The following CD44 variants were observed in gnomAD, a reference collection of about 807,000 sequenced individuals.
The protein encoded by CD44 is CD44 antigen.
CD44 carries 49 observed loss-of-function variants against 88.8 expected under a neutral mutation model. The ratio of observed to expected loss-of-function variants is 0.55; its 90% CI spans 0.44 to 0.70. The LOEUF (loss-of-function observed/expected upper bound fraction) is 0.70. Among genes scored for constraint, CD44 ranks in the 30% least tolerant of loss-of-function variants. The pLI is 0.00. For missense variants in CD44, 883 were observed against 913.8 expected (o/e 0.97, Z 0.43); for synonymous variants, 325 against 312.3 (o/e 1.04, Z -0.43).
chr11:35,222,585 A>C, intron 17 of CD44: 1 of 768,580 alleles, frequency 1.3e-6, no homozygotes, highest in East Asian at 1.3e-4. Flanking sequence ...CATGTTATTT[A>C]CATTTTATAT....
chr11:35,218,277 G>T (rs1050624518), intron 15 of CD44, among the ~76,000 whole-genome samples: 1 of 152,148 alleles, frequency 6.6e-6, no homozygotes, highest in Admixed American at 6.5e-5. Context: ...TATATTAGCA[G>T]GGACTCTAAT....
intron 2 of CD44, among the ~76,000 whole-genome samples, chr11:35,178,074 T>C (rs1232127410): frequency 6.6e-6 from 1 of 152,228 alleles, no homozygotes; most frequent in Non-Finnish European, 1.5e-5. Context: ...CTCTGGTGGC[T>C]ACTGAACTTG....
intron 14 of CD44, among the ~76,000 whole-genome samples, chr11:35,212,358 C>G (rs548308031): frequency 5.3e-5 from 8 of 151,656 alleles, no homozygotes; most frequent in South Asian, 2.1e-4. Context: ...TCTCCTCCCC[C>G]CAAAAAAGAA....
chr11:35,179,824 G>A (rs1944819310), intron 2 of CD44, among the ~76,000 whole-genome samples: 1 of 152,128 alleles, frequency 6.6e-6, no homozygotes, highest in Non-Finnish European at 1.5e-5. Context: ...TGGAATGTGT[G>A]CACTGAAATA....
chr11:35,164,071 C>T (rs1942979808), intron 1 of CD44, among the ~76,000 whole-genome samples: 1 of 152,012 alleles, frequency 6.6e-6, no homozygotes, highest in South Asian at 2.1e-4. Flanking sequence ...GTGTTAATAT[C>T]ACTGGAAAAC....
intron 1 of CD44, among the ~76,000 whole-genome samples, chr11:35,152,287 T>G (rs1158520448): frequency 6.6e-6 from 1 of 152,128 alleles, no homozygotes; most frequent in Non-Finnish European, 1.5e-5. Context: ...AGTTTCCCAC[T>G]ACTCATCCCC....
In CD44 at chr11:35,206,097, A is replaced by C. The variant is rs770761920; in HGVS notation, c.1283-15A>C. 3.5e-5 allele frequency: 55 copies of C among 1,588,074 alleles called. No homozygotes were observed. Among genetic ancestry groups the C allele is most frequent in the Non-Finnish European group, 4.5e-5 (53 of 1,170,566 alleles). ...CATTAACACTTTGACAATTGCTCAA[A>C]CTGCATGGTCACAGCAGCCTCAGCT... On this transcript the variant is annotated splice_polypyrimidine_tract_variant and intron_variant, in intron 10 of 17. Coordinates refer to ENST00000428726, the MANE Select transcript of CD44 (RefSeq NM_000610.4).
intron 1 of CD44, among the ~76,000 whole-genome samples, chr11:35,149,483 A>C (rs1473473915): frequency 6.6e-6 from 1 of 152,250 alleles, no homozygotes; most frequent in African/African-American, 2.4e-5. Flanking sequence ...TTAGCACGTA[A>C]TTTCTAAAGC....
At chr11:35,155,135 G>A (rs1941686029) in intron 1 of CD44, among the ~76,000 whole-genome samples, 1 of 152,068 alleles carries the variant, frequency 6.6e-6, no homozygotes, top group African/African-American at 2.4e-5. Flanking sequence ...ATTTCTCATT[G>A]GATGAATGGG....
At chr11:35,210,222 A>G in intron 13 of CD44, 168 bp downstream of exon 13, 1 of 464,148 alleles carries the variant, frequency 2.2e-6, no homozygotes. Context: ...TGTTTTATAT[A>G]CCTCTTCGTA....
chr11:35,200,086 G>T (rs1419883870), intron 7 of CD44, among the ~76,000 whole-genome samples: 1 of 151,218 alleles, frequency 6.6e-6, no homozygotes, highest in East Asian at 1.9e-4. Context: ...TGTGATAACT[G>T]CTTGATAATA....
intron 10 of CD44, chr11:35,205,798 C>T (rs2134107988): frequency 2.0e-6 from 2 of 1,014,316 alleles, no homozygotes; most frequent in African/African-American, 3.4e-5. Context: ...ACTGTGGCAG[C>T]ATGGCATGGG....
chr11:35,142,127 G>A (rs1002149679), intron 1 of CD44, among the ~76,000 whole-genome samples: 3 of 152,118 alleles, frequency 2.0e-5, no homozygotes, highest in Non-Finnish European at 4.4e-5. Context: ...GGAGGCCAGG[G>A]GGGATGAGTC....
intron 17 of CD44, chr11:35,222,973 C>A: frequency 1.0e-6 from 1 of 985,336 alleles, no homozygotes; most frequent in Non-Finnish European, 1.2e-6. Flanking sequence ...ATTCCAACAC[C>A]ATGGGCAGCC....
At chr11:35,208,760 A>G (rs907276074) in intron 12 of CD44, among the ~76,000 whole-genome samples, 1 of 152,240 alleles carries the variant, frequency 6.6e-6, no homozygotes, top group African/African-American at 2.4e-5. Context: ...TCACTAAGAA[A>G]TGTTCAAATT....
intron 1 of CD44, among the ~76,000 whole-genome samples, chr11:35,173,125 C>T (rs1419404259): frequency 2.0e-5 from 3 of 152,330 alleles, no homozygotes; most frequent in Non-Finnish European, 2.9e-5. Context: ...AAGAAACTAC[C>T]ATTGAGCTCC....
At position 35,189,852 on chromosome 11, in the gene CD44, G is replaced by A. The variant is rs1946095516; in HGVS notation, c.454G>A (p.Gly152Ser). The stretch of plus-strand genomic sequence containing the variant: ...TCTCCCAGCTATTGTTAACCGTGAT[G>A]GCACCCGCTATGTCCAGAAAGGAGA... ...PITITIVNRD[G>S]TRYVQKGEYR... The change falls in exon 5 of 18, where the codon GGC (glycine) becomes AGC (serine). Residue 152 changes from glycine to serine, a missense_variant. Physicochemically the swap from Gly to Ser is moderately conservative, Grantham distance 56. Transcript: ENST00000428726. The A allele has an allele frequency of 6.2e-7, 1 of 1,613,312 alleles. No homozygotes were observed. Among genetic ancestry groups the A allele is most frequent in the Non-Finnish European group, 8.5e-7 (1 of 1,179,580 alleles).
chr11:35,186,658 C>T (rs980251786), intron 3 of CD44, among the ~76,000 whole-genome samples, 174 bp from the exon 4 acceptor site: 7 of 151,994 alleles, frequency 4.6e-5, no homozygotes, highest in Non-Finnish European at 1.0e-4. Context: ...CAGGTAAAAA[C>T]GGAAAATCCA....
intron 1 of CD44, among the ~76,000 whole-genome samples, chr11:35,154,441 G>A (rs142963802): frequency 1.7e-4 from 26 of 152,252 alleles, no homozygotes; most frequent in African/African-American, 4.6e-4. Flanking sequence ...TCAGAACAGC[G>A]AGATAGTTGT....
Sources: allele counts gnomAD v4.1 joint callset (sites outside exome capture counted in the v4.1 genomes callset), GRCh38; gene constraint gnomAD v4.1.1; transcripts MANE v1.5; gene names NCBI Gene and HGNC (gene_info 2026-07-23, HGNC 2026-07-21).